Variants in CTTNBP2 observed in about 807,000 individuals in gnomAD.
The protein encoded by CTTNBP2 is cortactin-binding protein 2.
Under a neutral mutation model 156.9 loss-of-function variants are expected in CTTNBP2, and 108 were observed. The observed-to-expected ratio is 0.69, with a 90% CI of 0.59 to 0.81. The LOEUF (loss-of-function observed/expected upper bound fraction) is 0.81. Ranked by LOEUF, CTTNBP2 falls within the 30% of genes least tolerant of loss-of-function variation. CTTNBP2 has a pLI of 0.00. For missense variants in CTTNBP2, 1,924 were observed against 2,035.4 expected, an observed-to-expected ratio of 0.95 and a Z score of 1.05; for synonymous variants, 767 against 751.8, an observed-to-expected ratio of 1.02 and a Z score of -0.33.
intron 2 of CTTNBP2, among the ~76,000 whole-genome samples, chr7:117,850,441 A>T (rs1241576329): frequency 6.6e-6 from 1 of 152,204 alleles, no homozygotes; most frequent in Non-Finnish European, 1.5e-5. Flanking sequence ...CCAAAGAATG[A>T]CAGATAAATA....
chr7:117,798,139 T>G (rs964736987), intron 3 of CTTNBP2, among the ~76,000 whole-genome samples: 1 of 152,032 alleles, frequency 6.6e-6, no homozygotes, highest in Non-Finnish European at 1.5e-5. Flanking sequence ...AAGCAGAACC[T>G]GACAGAAATA....
rs538908793 is a variant in CTTNBP2 at position 117,730,982 on chromosome 7, G to A, written c.3877-2715C>T. Among the ~76,000 whole-genome samples the A allele has an allele frequency of 4.3e-4, 66 of 152,278 alleles. 1 individual carries two copies. Among genetic ancestry groups the A allele is most frequent in the Non-Finnish European group, 8.5e-4 (58 of 68,028 alleles). On this transcript the variant is annotated intron_variant, in intron 16 of 22. Coordinates refer to ENST00000160373, the MANE Select transcript of CTTNBP2 (RefSeq NM_033427.3). Reference sequence around the variant, plus strand: ...ATATATTAGAATAGCTTCATGTCCAGTTTAAAATGGTAACTGAGTTTAGGG... The same window carrying A: ...ATATATTAGAATAGCTTCATGTCCAATTTAAAATGGTAACTGAGTTTAGGG...
chr7:117,808,371 A>C (rs1329017812), intron 3 of CTTNBP2, among the ~76,000 whole-genome samples: 1 of 152,070 alleles, frequency 6.6e-6, no homozygotes, highest in Non-Finnish European at 1.5e-5. Context: ...AAAGTTCCCC[A>C]TGATGATTAC....
intron 22 of CTTNBP2, among the ~76,000 whole-genome samples, chr7:117,715,402 TAAG>T (rs963777145): frequency 3.5e-4 from 52 of 148,574 alleles, no homozygotes; most frequent in Non-Finnish European, 5.9e-5. Flanking sequence ...TGGATGCATG[TAAG>T]AATCACCAGG....
At chr7:117,746,287 G>T (rs543409107) in intron 12 of CTTNBP2, among the ~76,000 whole-genome samples, 188 bp from the exon 13 acceptor site, 42 of 152,284 alleles carry the variant, frequency 2.8e-4, no homozygotes, top group Admixed American at 9.2e-4. Flanking sequence ...TGGGCAAAGG[G>T]TACTTAGCAA....
At chr7:117,717,615 A>ACTTAGTAGCCCTCTAGG (rs1794498119) in intron 22 of CTTNBP2, among the ~76,000 whole-genome samples, 1 of 152,124 alleles carries the variant, frequency 6.6e-6, no homozygotes, top group Non-Finnish European at 1.5e-5. Context: ...CACACTGACC[A>ACTTAGTAGCCCTCTAGG]CTTAGTAGCC....
chr7:117,796,829 A>C (rs557360863), intron 3 of CTTNBP2, among the ~76,000 whole-genome samples: 59 of 152,372 alleles, frequency 3.9e-4, no homozygotes, highest in African/African-American at 1.4e-3. Flanking sequence ...AGGGGTTATA[A>C]TTTAGCAATT....
chr7:117,748,945 A>T (rs914336725), intron 12 of CTTNBP2, among the ~76,000 whole-genome samples: 1 of 152,186 alleles, frequency 6.6e-6, no homozygotes, highest in South Asian at 2.1e-4. Context: ...TGAGGATTGA[A>T]TGAAAAGGTG....
chr7:117,834,478 T>A (rs1801807515), intron 2 of CTTNBP2, among the ~76,000 whole-genome samples: 1 of 152,242 alleles, frequency 6.6e-6, no homozygotes, highest in Non-Finnish European at 1.5e-5. Context: ...TATGCTAATA[T>A]CCTTTTTTTC....
chr7:117,767,142 A>C lies in CTTNBP2; in HGVS notation c.2813T>G (p.Leu938Arg). Residue 938 changes from leucine (L) to arginine (R), a missense_variant, in exon 9 of 23, where the codon CTT becomes CGT. Coordinates refer to ENST00000160373, the MANE Select transcript of CTTNBP2 (RefSeq NM_033427.3). ...CLEILCRHGG[L>R]EPERRDKCNR... ...GCACTTGTCTCTCCTTTCTGGCTCAAGCCCTCCGTGCCTACACAAGATTTC... is the reference window on the plus strand; with the variant it reads ...GCACTTGTCTCTCCTTTCTGGCTCACGCCCTCCGTGCCTACACAAGATTTC... 1.2e-6 allele frequency: 2 copies of C among 1,612,178 alleles called. No individual in the cohort carries two copies. The highest frequency in any genetic ancestry group is 1.7e-6 in the Non-Finnish European group (2 of 1,178,260).
chr7:117,871,631 T>C (rs1804599451), intron 1 of CTTNBP2: 1 of 167,036 alleles, frequency 6.0e-6, no homozygotes, highest in Admixed American at 6.5e-5. Context: ...GGGTTTTGTT[T>C]ACGATCTAAC....
At chr7:117,769,456 C>T (rs1797692672) in intron 8 of CTTNBP2, among the ~76,000 whole-genome samples, 1 of 152,146 alleles carries the variant, frequency 6.6e-6, no homozygotes, top group Non-Finnish European at 1.5e-5. Context: ...CCCTGGCTGG[C>T]CCTGTTCAGG....
chr7:117,784,322 C>T lies in CTTNBP2; in HGVS notation c.2201G>A (p.Gly734Glu), dbSNP rs764391626. The stretch of plus-strand genomic sequence containing the variant: ...TTCACAGGAGTAATTAATGTCCAGT[C>T]CTTCTTCATTAAGCAGCATTGATAA... ...TLLSMLLNEE[G>E]LDINYSCEDG... is the part of the protein sequence containing the mutation. The change falls in exon 5 of 23, where the codon GGA (glycine) becomes GAA (glutamate). Residue 734 changes from glycine to glutamate, a missense_variant. Transcript: ENST00000160373. 26 of 1,613,946 alleles carry T rather than the reference C, an allele frequency of 1.6e-5. No individual in the cohort carries two copies. Among genetic ancestry groups the T allele is most frequent in the Middle Eastern group, 3.3e-4 (2 of 6,060 alleles).
intron 16 of CTTNBP2, among the ~76,000 whole-genome samples, chr7:117,728,697 A>G (rs1376690891): frequency 3.9e-5 from 6 of 152,222 alleles, no homozygotes; most frequent in Non-Finnish European, 8.8e-5. Flanking sequence ...TATTAAATTA[A>G]GCTGACTAAC....
chr7:117,728,005 G>T (rs1243724172), intron 17 of CTTNBP2, 84 bp downstream of exon 17: 1 of 1,257,498 alleles, frequency 8.0e-7, no homozygotes, highest in Admixed American at 2.0e-5. Context: ...GCACAAGGCA[G>T]CCTGGTCAGC....
chr7:117,857,230 A>G (rs568134841), intron 2 of CTTNBP2, among the ~76,000 whole-genome samples: 1 of 152,350 alleles, frequency 6.6e-6, no homozygotes, highest in East Asian at 1.9e-4. Context: ...ATTAAAATAC[A>G]TTTCAGTTAA....
intron 3 of CTTNBP2, among the ~76,000 whole-genome samples, chr7:117,808,575 G>A (rs1445371767): frequency 6.6e-6 from 1 of 152,204 alleles, no homozygotes; most frequent in Non-Finnish European, 1.5e-5. Flanking sequence ...CTCAGGCCAA[G>A]TGTCTTAGAA....
chr7:117,842,873 T>C (rs1339750850), intron 2 of CTTNBP2, among the ~76,000 whole-genome samples: 1 of 152,228 alleles, frequency 6.6e-6, no homozygotes, highest in African/African-American at 2.4e-5. Context: ...TTGAGCCAGG[T>C]ATGACAGAGC....
At position 117,792,272 on chromosome 7, in the gene CTTNBP2, C is replaced by A; in HGVS notation, c.924G>T (p.Gln308His). 1 of 1,614,206 alleles carries A rather than the reference C, an allele frequency of 6.2e-7. No individual in the cohort carries two copies. The highest frequency in any genetic ancestry group is 8.5e-7 in the Non-Finnish European group (1 of 1,180,046). Reference sequence around the variant, plus strand: ...CAGCATTTTCTGTCACTAGGTCTGTCTGGCATGCAACAGACCTTGTCACAG... The same window carrying A: ...CAGCATTTTCTGTCACTAGGTCTGTATGGCATGCAACAGACCTTGTCACAG... ...EGTVTRSVAC[Q>H]TDLVTENADH... The change falls in exon 4 of 23, where the codon CAG becomes CAT. Residue 308 changes from glutamine (Q) to histidine (H), a missense_variant. Physicochemically the swap from Gln to His is conservative, Grantham distance 24 (BLOSUM62 0). Transcript: ENST00000160373. The surrounding 1 kb of genome is among the most constrained non-coding windows in gnomAD (Gnocchi z 4.2).
Sources: allele counts gnomAD v4.1 joint callset (sites outside exome capture counted in the v4.1 genomes callset), GRCh38; gene constraint gnomAD v4.1.1; non-coding constraint Gnocchi (gnomAD v3.1); transcripts MANE v1.5; gene names NCBI Gene and HGNC (gene_info 2026-07-23, HGNC 2026-07-21).